AHCYL2: variants seen among roughly 807,000 people sequenced by gnomAD.
AHCYL2 encodes S-adenosylhomocysteine hydrolase-like protein 2.
A neutral mutation model predicts 81.4 loss-of-function variants in AHCYL2; 28 were observed. The ratio of observed to expected loss-of-function variants is 0.34; its 90% confidence interval spans 0.25 to 0.47. The LOEUF (loss-of-function observed/expected upper bound fraction) is 0.47. Among genes scored for constraint, AHCYL2 ranks in the 20% least tolerant of loss-of-function variants. The pLI, the probability that AHCYL2 is intolerant of heterozygous loss-of-function variation, is 1.00. For synonymous variants in AHCYL2, 272 were observed against 290.2 expected, an observed-to-expected ratio of 0.94 and a Z score of 0.64; for missense variants, 551 against 785.1, an observed-to-expected ratio of 0.70 and a Z score of 3.56.
At chr7:129,379,401 C>T (rs1794843351) in intron 1 of AHCYL2, among the ~76,000 whole-genome samples, 1 of 151,664 alleles carries the variant, frequency 6.6e-6, no homozygotes, top group Non-Finnish European at 1.5e-5. Context: ...GAGAGGATTG[C>T]TTGAACCCAG....
intron 1 of AHCYL2, among the ~76,000 whole-genome samples, chr7:129,280,085 A>C (rs955048463): frequency 6.6e-6 from 1 of 152,004 alleles, no homozygotes; most frequent in Non-Finnish European, 1.5e-5. Context: ...CTTGGTTCTA[A>C]TGCTTCTGAC....
chr7:129,370,401 A>AG (rs1794324139), intron 1 of AHCYL2, among the ~76,000 whole-genome samples: 1 of 151,830 alleles, frequency 6.6e-6, no homozygotes, highest in Non-Finnish European at 1.5e-5. Flanking sequence ...TAAAAAATAA[A>AG]TAAAAAAATT....
intron 1 of AHCYL2, among the ~76,000 whole-genome samples, chr7:129,377,350 A>G (rs1794734505): frequency 1.3e-5 from 2 of 152,162 alleles, no homozygotes; most frequent in African/African-American, 4.8e-5. Flanking sequence ...TTCATGAAGA[A>G]CTTCTTATCC....
intron 1 of AHCYL2, among the ~76,000 whole-genome samples, chr7:129,253,069 G>A (rs984944532): frequency 2.6e-5 from 4 of 152,076 alleles, no homozygotes; most frequent in Admixed American, 1.3e-4. Context: ...TTAGCCAGGT[G>A]TGGTGGCGGG....
chr7:129,423,044 A>C (rs1199660549), intron 13 of AHCYL2, 106 bp downstream of exon 13: 1 of 800,994 alleles, frequency 1.2e-6, no homozygotes. Context: ...TCTGTTAAGC[A>C]CAAGTTTGAC....
intron 1 of AHCYL2, among the ~76,000 whole-genome samples, chr7:129,307,809 G>C (rs1797497469): frequency 6.6e-6 from 1 of 151,818 alleles, no homozygotes; most frequent in African/African-American, 2.4e-5. Context: ...CCCAAGGGCT[G>C]TTTAGTCAGC....
At chr7:129,235,399 T>G (rs1032214856) in intron 1 of AHCYL2, among the ~76,000 whole-genome samples, 3 of 145,624 alleles carry the variant, frequency 2.1e-5, no homozygotes, top group Non-Finnish European at 4.6e-5. Flanking sequence ...ATGTGCCACC[T>G]CATCCAGCCT....
At chr7:129,253,499 G>GTCC (rs1239538346) in intron 1 of AHCYL2, among the ~76,000 whole-genome samples, 2 of 152,242 alleles carry the variant, frequency 1.3e-5, no homozygotes, top group East Asian at 3.8e-4. Context: ...CTTAGTGCTT[G>GTCC]TCCAAGGCTT....
At position 129,419,365 on chromosome 7, in the gene AHCYL2, C is replaced by T. The variant is rs1353461809; in HGVS notation, c.1462-3475C>T. On this transcript the variant is annotated intron_variant, in intron 12 of 16. Transcript: ENST00000325006. This position sits in a 1 kb window ranked among gnomAD's most constrained non-coding sequence, Gnocchi z 4.7. Reference sequence around the variant, plus strand: ...GGTCAGGAGTTCAAGACCAGCCTGACCAACATGGTGAAACGCCATATCTAC... The same window carrying T: ...GGTCAGGAGTTCAAGACCAGCCTGATCAACATGGTGAAACGCCATATCTAC... Among the ~76,000 whole-genome samples the T allele has an allele frequency of 1.3e-5, 2 of 152,088 alleles. No individual in the cohort carries two copies. Among genetic ancestry groups the T allele is most frequent in the Non-Finnish European group, 2.9e-5 (2 of 68,026 alleles).
chr7:129,340,567 C>CAAA (rs569272896), intron 1 of AHCYL2, among the ~76,000 whole-genome samples: 1 of 82,220 alleles, frequency 1.2e-5, no homozygotes. Flanking sequence ...GACTCCGTCT[C>CAAA]AAAAAAAAAA....
At chr7:129,423,021 T>C in intron 13 of AHCYL2, 83 bp downstream of exon 13, 1 of 1,086,418 alleles carries the variant, frequency 9.2e-7, no homozygotes, top group Non-Finnish European at 1.4e-6. Flanking sequence ...TGTTCTCGAA[T>C]ACTTTCAACT....
chr7:129,336,068 T>G (rs1798592560), intron 1 of AHCYL2, among the ~76,000 whole-genome samples: 1 of 101,690 alleles, frequency 9.8e-6, no homozygotes, highest in South Asian at 3.2e-4. Flanking sequence ...TCTCTTTTCT[T>G]TCCTTTTTTT....
intron 1 of AHCYL2, among the ~76,000 whole-genome samples, chr7:129,233,645 G>A (rs1196518553): frequency 2.0e-5 from 3 of 151,958 alleles, no homozygotes; most frequent in Admixed American, 1.3e-4. Context: ...GCACTACCAC[G>A]CCCAGCTAAT....
At chr7:129,255,709 G>A (rs555222345) in intron 1 of AHCYL2, among the ~76,000 whole-genome samples, 5 of 152,274 alleles carry the variant, frequency 3.3e-5, no homozygotes, top group African/African-American at 1.2e-4. Flanking sequence ...AGGGCTTGGC[G>A]CGGTGGTCCA....
At chr7:129,319,093 A>C (rs1797926520) in intron 1 of AHCYL2, among the ~76,000 whole-genome samples, 1 of 152,196 alleles carries the variant, frequency 6.6e-6, no homozygotes, top group Admixed American at 6.5e-5. Flanking sequence ...AATCCAGTAG[A>C]AATAATGGGC....
chr7:129,367,985 T>C lies in AHCYL2; in HGVS notation c.364-11653T>C, dbSNP rs1794188902. The C allele has an allele frequency of 1.2e-5, 6 of 521,002 alleles. No homozygotes were observed. In the South Asian group the frequency reaches 4.9e-4, roughly 43 times the overall value. The allele number at this position is 521,002 out of a possible 1,614,324, so 32.3% of individuals were successfully genotyped here. On this transcript the variant is annotated intron_variant, in intron 1 of 16. Coordinates refer to ENST00000325006, the MANE Select transcript of AHCYL2 (RefSeq NM_015328.4). ...GCTCTTGATTTCAAGGAAACGCCTG[T>C]TTACTGATCCAAATCAAGCAACTCT...
At chr7:129,261,734 T>C (rs1795651523) in intron 1 of AHCYL2, among the ~76,000 whole-genome samples, 1 of 152,234 alleles carries the variant, frequency 6.6e-6, no homozygotes, top group African/African-American at 2.4e-5. Context: ...AATTGCACTT[T>C]ATTGTTTCTA....
intron 1 of AHCYL2, among the ~76,000 whole-genome samples, chr7:129,334,268 A>G (rs896181513): frequency 6.6e-6 from 1 of 152,230 alleles, no homozygotes; most frequent in African/African-American, 2.4e-5. Context: ...CTGTGGGAAG[A>G]TGGCTGCCTA....
intron 1 of AHCYL2, among the ~76,000 whole-genome samples, chr7:129,335,090 T>TA (rs1798550456): frequency 6.6e-6 from 1 of 152,136 alleles, no homozygotes; most frequent in South Asian, 2.1e-4. Flanking sequence ...AAAAGAGAAG[T>TA]AAAGCAGCAG....
Sources: allele counts gnomAD v4.1 joint callset (sites outside exome capture counted in the v4.1 genomes callset), GRCh38; gene constraint gnomAD v4.1.1; non-coding constraint Gnocchi (gnomAD v3.1); transcripts MANE v1.5; gene names NCBI Gene and HGNC (gene_info 2026-07-23, HGNC 2026-07-21).